The following FAM184B variants were observed in gnomAD, a reference collection of about 807,000 sequenced individuals.
The protein encoded by FAM184B is protein FAM184B.
A neutral mutation model predicts 135.9 loss-of-function variants in FAM184B; 111 were observed. The observed-to-expected ratio is 0.82, with a 90% CI of 0.70 to 0.96. The LOEUF (loss-of-function observed/expected upper bound fraction) is 0.96. Among genes scored for constraint, FAM184B ranks in the 40% least tolerant of loss-of-function variants. The probability of loss-of-function intolerance (pLI) is 0.00; values close to 1 mark genes in which losing one functional copy is unlikely to be tolerated. For synonymous variants in FAM184B, 552 were observed against 524.8 expected, an observed-to-expected ratio of 1.05 and a Z score of -0.71; for missense variants, 1,375 against 1,323.9, an observed-to-expected ratio of 1.04 and a Z score of -0.60.
At chr4:17,779,281 A>C (rs1718989160) in intron 1 of FAM184B, among the ~76,000 whole-genome samples, 1 of 152,242 alleles carries the variant, frequency 6.6e-6, no homozygotes, top group Admixed American at 6.5e-5. Flanking sequence ...AAGATTAAAT[A>C]TGAAGGACAA....
Position 17,629,976 on chromosome 4 carries a change from C to T in FAM184B, c.*2556G>A, listed in dbSNP as rs960063196. 2 of 152,132 alleles carry T rather than the reference C, an allele frequency of 1.3e-5. No individual in the cohort carries two copies. Among genetic ancestry groups the T allele is most frequent in the African/African-American group, 4.8e-5 (2 of 41,444 alleles). The allele number at this position is 152,132 out of a possible 1,614,324, so 9.4% of individuals were successfully genotyped here. On this transcript the variant is annotated 3_prime_UTR_variant, in exon 18 of 18. Coordinates refer to ENST00000265018, the MANE Select transcript of FAM184B (RefSeq NM_015688.2). ...TGGCCTCAATAAAAAATTATGGAAG[C>T]ATGCAAAGATTTTGTTAACAAAGAT...
chr4:17,779,383 A>G (rs1321667452), intron 1 of FAM184B, among the ~76,000 whole-genome samples: 1 of 152,252 alleles, frequency 6.6e-6, no homozygotes, highest in African/African-American at 2.4e-5. Flanking sequence ...TGGTAAACAG[A>G]CGCACTACAT....
In FAM184B at chr4:17,685,939, G is replaced by T. The variant is rs535546340; in HGVS notation, c.1596+2485C>A. Among the ~76,000 whole-genome samples, 5 of 152,260 alleles carry T rather than the reference G, an allele frequency of 3.3e-5. No homozygotes were observed. The East Asian group carries it at 9.7e-4, about 29-fold the overall frequency. ...CCTGGAACATACCTAGAATTTCTATGTGTTTATTTCCCTAAAACACAGCCT... is the reference window on the plus strand; with the variant it reads ...CCTGGAACATACCTAGAATTTCTATTTGTTTATTTCCCTAAAACACAGCCT... On this transcript the variant is annotated intron_variant, in intron 7 of 17. Coordinates refer to ENST00000265018, the MANE Select transcript of FAM184B (RefSeq NM_015688.2).
intron 1 of FAM184B, among the ~76,000 whole-genome samples, chr4:17,717,306 A>T (rs1221410328): frequency 2.6e-5 from 4 of 152,150 alleles, no homozygotes; most frequent in African/African-American, 9.7e-5. Context: ...TCTCCTCCAA[A>T]GGAAAGGTCC....
At chr4:17,751,527 G>A (rs1176230196) in intron 1 of FAM184B, among the ~76,000 whole-genome samples, 1 of 151,894 alleles carries the variant, frequency 6.6e-6, no homozygotes, top group East Asian at 1.9e-4. Flanking sequence ...TCCTTGCTAT[G>A]GGAGGTAACA....
At chr4:17,690,019 G>A (rs146496712) in intron 6 of FAM184B, among the ~76,000 whole-genome samples, 18 of 151,934 alleles carry the variant, frequency 1.2e-4, no homozygotes, top group African/African-American at 2.7e-4. Flanking sequence ...CTGTTGGTGC[G>A]TGCCTGTAAT....
rs1286735519 is a variant in FAM184B at position 17,781,419 on chromosome 4, C to G, written c.-120G>C. On this transcript the variant is annotated 5_prime_UTR_variant, in exon 1 of 18. Coordinates refer to ENST00000265018, the MANE Select transcript of FAM184B (RefSeq NM_015688.2). This position sits in a 1 kb window ranked among gnomAD's most constrained non-coding sequence, Gnocchi z 6.5. The stretch of plus-strand genomic sequence containing the variant: ...CTCGGGAGAGGTGGCACTGCAGTCC[C>G]GTCGCCTGCACCGCCGCGTGGCCCC... 4.9e-6 allele frequency: 6 copies of G among 1,236,308 alleles called. No individual in the cohort carries two copies. Among genetic ancestry groups the G allele is most frequent in the South Asian group, 3.7e-5 (2 of 54,028 alleles). The allele number at this position is 1,236,308 out of a possible 1,614,324, so 76.6% of individuals were successfully genotyped here.
chr4:17,676,837 C>T (rs1160346130), intron 7 of FAM184B, among the ~76,000 whole-genome samples: 2 of 152,054 alleles, frequency 1.3e-5, no homozygotes, highest in Non-Finnish European at 2.9e-5. Context: ...GCTGTACAGG[C>T]TTGTAGCCTA....
intron 7 of FAM184B, among the ~76,000 whole-genome samples, chr4:17,666,967 T>C (rs1716071324): frequency 6.6e-6 from 1 of 151,604 alleles, no homozygotes; most frequent in Non-Finnish European, 1.5e-5. Flanking sequence ...TTTTTTGTTT[T>C]TTGTTTTGTT....
At chr4:17,652,255 G>C (rs1236252358) in intron 11 of FAM184B, among the ~76,000 whole-genome samples, 4 of 149,694 alleles carry the variant, frequency 2.7e-5, no homozygotes, top group Non-Finnish European at 5.9e-5. Context: ...CTCCCGAATA[G>C]CTGGGACTAC....
intron 11 of FAM184B, among the ~76,000 whole-genome samples, chr4:17,649,594 A>C (rs1187534014): frequency 6.6e-6 from 1 of 152,086 alleles, no homozygotes; most frequent in Non-Finnish European, 1.5e-5. Context: ...AAAAAAAAAA[A>C]AAAAAATTTA....
chr4:17,773,178 C>G (rs1330550311), intron 1 of FAM184B, among the ~76,000 whole-genome samples: 1 of 152,030 alleles, frequency 6.6e-6, no homozygotes, highest in Non-Finnish European at 1.5e-5. Context: ...TCAGATTCCC[C>G]CCTTCTCAAT....
chr4:17,747,900 G>T (rs1197075930), intron 1 of FAM184B, among the ~76,000 whole-genome samples: 26 of 110,456 alleles, frequency 2.4e-4, no homozygotes. Flanking sequence ...CAGCCTGGGC[G>T]ACAGAGCGAG....
chr4:17,662,618 G>A (rs919150530), intron 8 of FAM184B, among the ~76,000 whole-genome samples: 4 of 152,192 alleles, frequency 2.6e-5, no homozygotes, highest in South Asian at 2.1e-4. Flanking sequence ...GATTACTGGC[G>A]TGAGCCACTG....
At chr4:17,681,841 T>A (rs1446470233) in intron 7 of FAM184B, among the ~76,000 whole-genome samples, 1 of 152,196 alleles carries the variant, frequency 6.6e-6, no homozygotes, top group African/African-American at 2.4e-5. Context: ...TCCGCAGATG[T>A]CATTCTTCTG....
At chr4:17,700,671 C>T (rs983874178) in intron 5 of FAM184B, among the ~76,000 whole-genome samples, 1 of 152,162 alleles carries the variant, frequency 6.6e-6, no homozygotes, top group African/African-American at 2.4e-5. Flanking sequence ...GAACACTCCA[C>T]CCAACAGCAG....
At chr4:17,722,995 G>T (rs189202701) in intron 1 of FAM184B, among the ~76,000 whole-genome samples, 23 of 152,310 alleles carry the variant, frequency 1.5e-4, no homozygotes, top group South Asian at 4.1e-4. Flanking sequence ...AGACAGAGCA[G>T]CTCTTCCAGT....
At chr4:17,700,190 T>C (rs1465331401) in intron 5 of FAM184B, among the ~76,000 whole-genome samples, 1 of 152,146 alleles carries the variant, frequency 6.6e-6, no homozygotes. Context: ...GTACACTTAA[T>C]GATAATTACA....
intron 1 of FAM184B, among the ~76,000 whole-genome samples, chr4:17,769,340 A>T (rs532035633): frequency 4.2e-4 from 64 of 152,286 alleles, no homozygotes; most frequent in Admixed American, 9.8e-4. Context: ...CACTATACTT[A>T]TAGATTTAGG....
Sources: allele counts gnomAD v4.1 joint callset (sites outside exome capture counted in the v4.1 genomes callset), GRCh38; gene constraint gnomAD v4.1.1; non-coding constraint Gnocchi (gnomAD v3.1); transcripts MANE v1.5; gene names NCBI Gene and HGNC (gene_info 2026-07-23, HGNC 2026-07-21).